Variants in CADPS2 observed in about 807,000 individuals in gnomAD.
CADPS2 encodes the protein calcium-dependent secretion activator 2.
CADPS2 carries 93 observed loss-of-function variants against 172.5 expected under a neutral mutation model. The ratio of observed to expected loss-of-function variants is 0.54; its 90% CI spans 0.46 to 0.64. The LOEUF is 0.64. Ranked by LOEUF, CADPS2 falls within the 30% of genes least tolerant of loss-of-function variation. The pLI is 0.00. For synonymous variants in CADPS2, 546 were observed against 555.2 expected, an observed-to-expected ratio of 0.98 and a Z score of 0.23; for missense variants, 1,420 against 1,565.9, an observed-to-expected ratio of 0.91 and a Z score of 1.57.
At chr7:122,366,280 C>G (rs928669391) in intron 25 of CADPS2, among the ~76,000 whole-genome samples, 1 of 151,458 alleles carries the variant, frequency 6.6e-6, no homozygotes, top group Non-Finnish European at 1.5e-5. Flanking sequence ...GTTGTCTTCC[C>G]TAAATCAGAA....
At chr7:122,559,770 C>CAAAAAAAA (rs71161306) in intron 7 of CADPS2, among the ~76,000 whole-genome samples, 1 of 85,158 alleles carries the variant, frequency 1.2e-5, no homozygotes, top group Admixed American at 1.4e-4. Context: ...GACTCCACCT[C>CAAAAAAAA]AAAAAAAAAA....
intron 1 of CADPS2, among the ~76,000 whole-genome samples, chr7:122,805,804 C>T (rs1798682642): frequency 6.6e-6 from 1 of 152,078 alleles, no homozygotes; most frequent in African/African-American, 2.4e-5. Context: ...GACTTCTCTC[C>T]CAAAAGGAAG....
chr7:122,766,464 T>C (rs1376676183), intron 1 of CADPS2, among the ~76,000 whole-genome samples: 1 of 152,110 alleles, frequency 6.6e-6, no homozygotes, highest in Non-Finnish European at 1.5e-5. Context: ...ATTTTACCAA[T>C]TTGCCATTTA....
chr7:122,835,156 T>C (rs1480893438), intron 1 of CADPS2, among the ~76,000 whole-genome samples: 1 of 152,200 alleles, frequency 6.6e-6, no homozygotes, highest in Non-Finnish European at 1.5e-5. Flanking sequence ...CCTCTGCTGC[T>C]GATACCCAGG....
intron 29 of CADPS2, among the ~76,000 whole-genome samples, chr7:122,323,510 T>C (rs1254542560): frequency 6.6e-6 from 1 of 152,090 alleles, no homozygotes; most frequent in Admixed American, 6.5e-5. Flanking sequence ...CATTAATAAG[T>C]CACACTGTAT....
At chr7:122,446,874 C>T (rs908965619) in intron 15 of CADPS2, among the ~76,000 whole-genome samples, 14 of 152,124 alleles carry the variant, frequency 9.2e-5, no homozygotes, top group Non-Finnish European at 1.3e-4. Context: ...AAAGGGCTTA[C>T]TTCATTTCTT....
At chr7:122,652,267 T>C (rs567495146) in intron 3 of CADPS2, among the ~76,000 whole-genome samples, 1 of 152,276 alleles carries the variant, frequency 6.6e-6, no homozygotes, top group Non-Finnish European at 1.5e-5. Flanking sequence ...ATATATATGC[T>C]CTGCATGATT....
In CADPS2 at chr7:122,325,536, C is replaced by T; in HGVS notation, c.3658G>A (p.Asp1220Asn). Residue 1220 changes from aspartate to asparagine, a missense_variant, in exon 29 of 30, where the codon GAT becomes AAT. Coordinates refer to ENST00000449022, the MANE Select transcript of CADPS2 (RefSeq NM_017954.11). ...SMKVICVWLTDRLDLQLHIYQ... is the reference protein window; with the variant it reads ...SMKVICVWLTNRLDLQLHIYQ... ...ATATGGAGTTGGAGGTCTAATCTAT[C>T]AGTCAACCACACGCAAATGACTTTC... is the stretch of plus-strand genomic sequence containing the variant. The T allele has an allele frequency of 6.2e-7, 1 of 1,611,552 alleles. No individual in the cohort carries two copies. Among genetic ancestry groups the T allele is most frequent in the Non-Finnish European group, 8.5e-7 (1 of 1,178,680 alleles).
intron 1 of CADPS2, among the ~76,000 whole-genome samples, chr7:122,811,101 C>T (rs1417374999): frequency 6.6e-6 from 1 of 152,152 alleles, no homozygotes; most frequent in African/African-American, 2.4e-5. Context: ...TAAATAATAG[C>T]TATTTTTAAC....
intron 7 of CADPS2, among the ~76,000 whole-genome samples, chr7:122,565,543 A>G (rs1051962354): frequency 1.3e-5 from 2 of 152,164 alleles, no homozygotes; most frequent in African/African-American, 4.8e-5. Flanking sequence ...CAAAGTTTTC[A>G]GTTTGTCATG....
At chr7:122,657,418 A>C (rs2079942682) in intron 3 of CADPS2, among the ~76,000 whole-genome samples, 1 of 152,098 alleles carries the variant, frequency 6.6e-6, no homozygotes, top group Non-Finnish European at 1.5e-5. Flanking sequence ...CATTTTCACG[A>C]TATTGATTCT....
chr7:122,777,199 T>C (rs889379677), intron 1 of CADPS2, among the ~76,000 whole-genome samples: 1 of 151,998 alleles, frequency 6.6e-6, no homozygotes, highest in Non-Finnish European at 1.5e-5. Context: ...AATAACAATA[T>C]CTTAAGTAAA....
At chr7:122,520,856 G>A (rs2060731674) in intron 8 of CADPS2, among the ~76,000 whole-genome samples, 1 of 151,986 alleles carries the variant, frequency 6.6e-6, no homozygotes, top group Non-Finnish European at 1.5e-5. Context: ...AGAGTTCATG[G>A]TTTTACTTTA....
At chr7:122,577,745 C>T (rs2068235323) in intron 7 of CADPS2, among the ~76,000 whole-genome samples, 1 of 152,184 alleles carries the variant, frequency 6.6e-6, no homozygotes, top group Non-Finnish European at 1.5e-5. Context: ...AAGTTGTCTT[C>T]CAAAGTGACT....
chr7:122,579,297 T>A (rs1279028342), intron 7 of CADPS2, among the ~76,000 whole-genome samples: 3 of 151,590 alleles, frequency 2.0e-5, no homozygotes, highest in Non-Finnish European at 4.4e-5. Flanking sequence ...TATCATAAAA[T>A]ATACAAAAAA....
chr7:122,349,853 G>A (rs2038267768), intron 27 of CADPS2, among the ~76,000 whole-genome samples: 1 of 152,174 alleles, frequency 6.6e-6, no homozygotes, highest in Non-Finnish European at 1.5e-5. Flanking sequence ...CCCTATTCAT[G>A]GGTAGATGGG....
In CADPS2 at chr7:122,410,200, T is replaced by C. The variant is rs377494428; in HGVS notation, c.2590-2504A>G. On this transcript the variant is annotated intron_variant, in intron 19 of 29. Coordinates refer to ENST00000449022, the MANE Select transcript of CADPS2 (RefSeq NM_017954.11). The stretch of plus-strand genomic sequence containing the variant: ...CTCTACTAAAAATACAAAAATTAGC[T>C]GGCGGTGGTGGTGTGCACCTGTAAC... Among the ~76,000 whole-genome samples the C allele has an allele frequency of 2.4e-4, 36 of 151,992 alleles. No homozygotes were observed. The East Asian group carries it at 6.8e-3, about 29-fold the overall frequency.
intron 14 of CADPS2, among the ~76,000 whole-genome samples, chr7:122,465,656 C>T (rs1354416704): frequency 1.3e-5 from 2 of 152,158 alleles, no homozygotes; most frequent in Non-Finnish European, 2.9e-5. Flanking sequence ...CCTACCGTTC[C>T]ACCCCATCCA....
intron 2 of CADPS2, among the ~76,000 whole-genome samples, chr7:122,703,719 T>C (rs944377318): frequency 5.3e-5 from 8 of 152,022 alleles, no homozygotes; most frequent in African/African-American, 1.9e-4. Context: ...GGTTGCTTTA[T>C]GGGGAAAATG....
Sources: gnomAD v4.1 joint callset for allele counts (sites outside exome capture counted in the v4.1 genomes callset) on GRCh38, gnomAD v4.1.1 for gene constraint, MANE v1.5 for transcripts, NCBI Gene and HGNC (gene_info 2026-07-23, HGNC 2026-07-21) for gene names.